UBE2W: variants seen among roughly 807,000 people sequenced by gnomAD.
The protein encoded by UBE2W is ubiquitin-conjugating enzyme E2 W.
UBE2W carries 18 observed loss-of-function variants against 27.2 expected under a neutral mutation model. The observed-to-expected ratio is 0.66, with a 90% confidence interval of 0.46 to 0.98. UBE2W has a LOEUF of 0.98. Among genes scored for constraint, UBE2W ranks in the 50% least tolerant of loss-of-function variants. The pLI is 0.00. For synonymous variants in UBE2W, 53 were observed against 57.2 expected (o/e 0.93, Z 0.33); for missense variants, 90 against 180.2 (o/e 0.50, Z 2.87).
At chr8:73,780,445 T>A in exon 5 of UBE2W, 1 of 449,244 alleles carries the variant, frequency 2.2e-6, no homozygotes, top group Middle Eastern at 3.3e-4. Context: ...GTACTGGGAG[T>A]TAAGACTTCA....
chr8:73,788,923 T>C lies in UBE2W; in HGVS notation c.*5179A>G. On this transcript the variant is annotated 3_prime_UTR_variant, in exon 6 of 6. Coordinates refer to ENST00000602593, the MANE Select transcript of UBE2W (RefSeq NM_018299.6). ...GATCAGCTTCTATTCAGGCATTCCT[T>C]CCACATACTCAAAATACCCTCAGAT... The C allele has an allele frequency of 1.0e-6, 1 of 984,870 alleles. No individual in the cohort carries two copies. The highest frequency in any genetic ancestry group is 1.2e-6 in the Non-Finnish European group (1 of 829,544). The allele number at this position is 984,870 out of a possible 1,614,324, so 61.0% of individuals were successfully genotyped here. A position where few individuals can be genotyped will look rare whatever the true frequency, so the allele number is the denominator to read the frequency against.
intron 1 of UBE2W, among the ~76,000 whole-genome samples, chr8:73,848,716 G>A (rs1286451322): frequency 6.6e-6 from 1 of 152,028 alleles, no homozygotes; most frequent in African/African-American, 2.4e-5. Flanking sequence ...AAAGAAATCA[G>A]GATGTGATTA....
At chr8:73,860,338 T>TA (rs967706185) in intron 1 of UBE2W, among the ~76,000 whole-genome samples, 9 of 152,184 alleles carry the variant, frequency 5.9e-5, no homozygotes, top group Admixed American at 4.6e-4. Context: ...AAGCAAAAGA[T>TA]AGACAGCAAT....
chr8:73,827,371 A>G (rs13252117), intron 2 of UBE2W, among the ~76,000 whole-genome samples: 37,380 of 151,558 alleles, frequency 0.25, 7,838 homozygotes, highest in African/African-American at 0.58. Flanking sequence ...GAGCCACCAC[A>G]CCCGGCTAAT....
In UBE2W at chr8:73,854,270, AAAAT is replaced by A. The variant is rs148205039; in HGVS notation, c.16-23802_16-23799del. Among the ~76,000 whole-genome samples the A allele has an allele frequency of 6.3e-4, 96 of 152,266 alleles. No homozygotes were observed. The East Asian group carries it at 9.6e-3, about 15-fold the overall frequency. Reference sequence around the variant, plus strand: ...AGGCAATACAAATGCCTAGGAGTAAAAAATAAATAAATAAATAAATAAAGTGGAA... The same window carrying A: ...AGGCAATACAAATGCCTAGGAGTAAAAAATAAATAAATAAATAAAGTGGAA... On this transcript the variant is annotated intron_variant, in intron 1 of 5. Coordinates refer to ENST00000602593, the MANE Select transcript of UBE2W (RefSeq NM_018299.6).
At chr8:73,834,745 C>A (rs1016750061) in intron 1 of UBE2W, among the ~76,000 whole-genome samples, 1 of 152,084 alleles carries the variant, frequency 6.6e-6, no homozygotes, top group Admixed American at 6.5e-5. Context: ...CTCGTCTCTA[C>A]TACAAATACA....
intron 1 of UBE2W, among the ~76,000 whole-genome samples, chr8:73,853,660 T>C (rs761019441): frequency 6.6e-6 from 1 of 152,194 alleles, no homozygotes; most frequent in African/African-American, 2.4e-5. Context: ...AGTATCTTCA[T>C]AATTAAATAC....
intron 1 of UBE2W, among the ~76,000 whole-genome samples, chr8:73,878,548 C>T (rs114106312): frequency 1.3e-5 from 2 of 152,198 alleles, no homozygotes; most frequent in Non-Finnish European, 2.9e-5. Flanking sequence ...AGACTTTGCC[C>T]TTTCTTCCCC....
rs987904257 is a variant in UBE2W at position 73,792,271 on chromosome 8, A to G, written c.*1831T>C. On this transcript the variant is annotated 3_prime_UTR_variant, in exon 6 of 6. Coordinates refer to ENST00000602593, the MANE Select transcript of UBE2W (RefSeq NM_018299.6). The stretch of plus-strand genomic sequence containing the variant: ...TAGTCAAGATAGAACAAAAACGGTT[A>G]TAATTTTTTAAAAGTGGTAATTGTT... 5.1e-6 allele frequency: 5 copies of G among 985,606 alleles called. No homozygotes were observed. The Admixed American group carries it at 2.5e-4, about 49-fold the overall frequency. The allele number at this position is 985,606 out of a possible 1,614,324, so 61.1% of individuals were successfully genotyped here.
At chr8:73,807,920 T>G (rs550607388) in intron 4 of UBE2W, among the ~76,000 whole-genome samples, 14 of 152,304 alleles carry the variant, frequency 9.2e-5, no homozygotes, top group African/African-American at 3.1e-4. Flanking sequence ...GTTTGAACAA[T>G]GTAAATATAT....
intron 4 of UBE2W, among the ~76,000 whole-genome samples, chr8:73,806,001 A>G (rs1349217745): frequency 1.3e-5 from 2 of 152,070 alleles, no homozygotes; most frequent in Admixed American, 6.5e-5. Context: ...AAAAATACAA[A>G]AAAATTAGCT....
intron 1 of UBE2W, among the ~76,000 whole-genome samples, chr8:73,850,741 A>C (rs1032406781): frequency 2.7e-5 from 4 of 150,710 alleles, no homozygotes; most frequent in Non-Finnish European, 4.4e-5. Flanking sequence ...AAAAAAAAAA[A>C]AAAAAAAAAC....
rs1343737864 is a variant in UBE2W, at chr8:73,810,568, C to A, written c.272G>T (p.Cys91Phe). 1 of 1,612,296 alleles carries A rather than the reference C, an allele frequency of 6.2e-7. No homozygotes were observed. Among genetic ancestry groups the A allele is most frequent in the Non-Finnish European group, 8.5e-7 (1 of 1,179,168 alleles). ...CCAGTCTTCTGTTAGAATGGATAAA[C>A]AGATATGACCATTGCTATAAACATG... Reference protein sequence around the residue: ...HPHVYSNGHICLSILTEDWSP... With the variant: ...HPHVYSNGHIFLSILTEDWSP... Residue 91 changes from cysteine (C) to phenylalanine (F), a missense_variant, in exon 4 of 6, where the codon TGT (cysteine) becomes TTT (phenylalanine). By Grantham distance (205) the Cys-to-Phe change is radical (BLOSUM62 -2). Transcript: ENST00000602593.
chr8:73,838,283 T>G (rs1029006004), intron 1 of UBE2W, among the ~76,000 whole-genome samples: 1 of 152,072 alleles, frequency 6.6e-6, no homozygotes, highest in Non-Finnish European at 1.5e-5. Context: ...TTCCTTTTTT[T>G]CCCCCCGGTA....
chr8:73,819,708 T>G (rs1809531545), intron 3 of UBE2W, among the ~76,000 whole-genome samples: 1 of 152,222 alleles, frequency 6.6e-6, no homozygotes, highest in African/African-American at 2.4e-5. Context: ...TTATTCTTTC[T>G]TTTAAGGCAA....
intron 3 of UBE2W, among the ~76,000 whole-genome samples, chr8:73,822,227 G>A (rs1484505322): frequency 6.6e-6 from 1 of 152,102 alleles, no homozygotes; most frequent in Non-Finnish European, 1.5e-5. Flanking sequence ...TAGAGTGGTT[G>A]TCGGCCAACC....
At chr8:73,814,763 G>T (rs936718595) in intron 3 of UBE2W, among the ~76,000 whole-genome samples, 2 of 152,110 alleles carry the variant, frequency 1.3e-5, no homozygotes, top group Non-Finnish European at 1.5e-5. Flanking sequence ...CTTGTGATCC[G>T]CCCGCCTCGG....
In UBE2W at chr8:73,786,307, G is replaced by A; in HGVS notation, c.*7795C>T. ...GGGTCCTGTTATACATTTTACTCAGGTGGTGGTTCTGGATATATGTTTCAA... is the reference window on the plus strand; with the variant it reads ...GGGTCCTGTTATACATTTTACTCAGATGGTGGTTCTGGATATATGTTTCAA... On this transcript the variant is annotated 3_prime_UTR_variant, in exon 6 of 6. Coordinates refer to ENST00000602593, the MANE Select transcript of UBE2W (RefSeq NM_018299.6). 1 of 985,432 alleles carries A rather than the reference G, an allele frequency of 1.0e-6. No individual in the cohort carries two copies. Among genetic ancestry groups the A allele is most frequent in the Non-Finnish European group, 1.2e-6 (1 of 829,922 alleles). The allele number at this position is 985,432 out of a possible 1,614,324, so 61.0% of individuals were successfully genotyped here. A position where few individuals can be genotyped will look rare whatever the true frequency, so the allele number is the denominator to read the frequency against.
Position 73,787,803 on chromosome 8 carries a change from T to A in UBE2W, c.*6299A>T. On this transcript the variant is annotated 3_prime_UTR_variant, in exon 6 of 6. Transcript: ENST00000602593. ...TGCCCTTAATTGTACAACTTGAAGT[T>A]CAGGAACATCGGACTCACGATAACT... The A allele has an allele frequency of 1.0e-6, 1 of 985,454 alleles. No individual in the cohort carries two copies. The highest frequency in any genetic ancestry group is 1.2e-6 in the Non-Finnish European group (1 of 829,934). The allele number at this position is 985,454 out of a possible 1,614,324, so 61.0% of individuals were successfully genotyped here. A position where few individuals can be genotyped will look rare whatever the true frequency, so the allele number is the denominator to read the frequency against.
Sources: allele counts gnomAD v4.1 joint callset (sites outside exome capture counted in the v4.1 genomes callset), GRCh38; gene constraint gnomAD v4.1.1; transcripts MANE v1.5; gene names NCBI Gene and HGNC (gene_info 2026-07-23, HGNC 2026-07-21).